The following KIAA1217 variants were observed in gnomAD, a reference collection of about 807,000 sequenced individuals.
The protein encoded by KIAA1217 is KIAA1217, also known as sickle tail protein homolog.
In KIAA1217, 88 loss-of-function variants were observed where a neutral mutation model predicts 163.9. The observed-to-expected ratio is 0.54, with a 90% CI of 0.45 to 0.64. KIAA1217 has a LOEUF of 0.64. Among genes scored for constraint, KIAA1217 ranks in the 30% least tolerant of loss-of-function variants. The probability of loss-of-function intolerance (pLI) is 0.00; values close to 1 mark genes in which losing one functional copy is unlikely to be tolerated. For synonymous variants in KIAA1217, 903 were observed against 923.1 expected, an observed-to-expected ratio of 0.98 and a Z score of 0.39; for missense variants, 2,372 against 2,475.0, an observed-to-expected ratio of 0.96 and a Z score of 0.88.
At chr10:24,480,022 G>A (rs139529599) in intron 6 of KIAA1217, among the ~76,000 whole-genome samples, 6 of 152,262 alleles carry the variant, frequency 3.9e-5, no homozygotes, top group Admixed American at 1.3e-4. Context: ...ATGAGTTTTA[G>A]TGGGGACAAA....
intron 2 of KIAA1217, among the ~76,000 whole-genome samples, chr10:24,251,748 A>C: frequency 6.6e-6 from 1 of 151,566 alleles, no homozygotes; most frequent in East Asian, 1.9e-4. Flanking sequence ...GGTGGAAGGA[A>C]TTTCACCTTT....
chr10:23,723,382 C>T (rs1372851777), intron 1 of KIAA1217, among the ~76,000 whole-genome samples: 1 of 151,722 alleles, frequency 6.6e-6, no homozygotes, highest in Admixed American at 6.6e-5. Context: ...TTGTCTGTTG[C>T]TTAGCTGCTG....
At chr10:23,742,345 G>A (rs1182622575) in intron 1 of KIAA1217, among the ~76,000 whole-genome samples, 1 of 152,140 alleles carries the variant, frequency 6.6e-6, no homozygotes, top group Non-Finnish European at 1.5e-5. Flanking sequence ...TTGTTTTCAG[G>A]AGAAGGGGGT....
At chr10:24,093,575 A>G (rs957504675) in intron 2 of KIAA1217, among the ~76,000 whole-genome samples, 2 of 151,470 alleles carry the variant, frequency 1.3e-5, no homozygotes, top group African/African-American at 2.4e-5. Context: ...AAGTGCTGGG[A>G]TTACAGGTGT....
intron 2 of KIAA1217, among the ~76,000 whole-genome samples, chr10:24,326,100 T>C (rs1298698781): frequency 6.6e-6 from 1 of 152,190 alleles, no homozygotes; most frequent in African/African-American, 2.4e-5. Context: ...TATAAAGGCC[T>C]TGCATATTTG....
At chr10:24,341,328 C>G (rs1429902697) in intron 2 of KIAA1217, among the ~76,000 whole-genome samples, 1 of 151,836 alleles carries the variant, frequency 6.6e-6, no homozygotes, top group Non-Finnish European at 1.5e-5. Context: ...GGATGGAAAT[C>G]AGTAGGTCAG....
intron 2 of KIAA1217, among the ~76,000 whole-genome samples, chr10:24,049,243 G>T (rs536585366): frequency 1.3e-5 from 2 of 152,134 alleles, no homozygotes; most frequent in African/African-American, 4.8e-5. Context: ...AGCCTGCTTA[G>T]GGTAGAGAGA....
At chr10:24,074,286 T>C (rs930958857) in intron 2 of KIAA1217, among the ~76,000 whole-genome samples, 1 of 152,100 alleles carries the variant, frequency 6.6e-6, no homozygotes, top group Non-Finnish European at 1.5e-5. Flanking sequence ...GAGGTGAATG[T>C]TGCAGTGAGC....
chr10:24,462,618 A>C (rs2132643330), intron 5 of KIAA1217, among the ~76,000 whole-genome samples: 1 of 152,310 alleles, frequency 6.6e-6, no homozygotes, highest in East Asian at 1.9e-4. Flanking sequence ...AAAAAGACAT[A>C]AGACACCTGT....
intron 2 of KIAA1217, among the ~76,000 whole-genome samples, chr10:24,312,289 G>A (rs1255332530): frequency 1.3e-5 from 2 of 150,934 alleles, no homozygotes; most frequent in Non-Finnish European, 2.9e-5. Flanking sequence ...AGGTTAAAGT[G>A]GAACTTCATG....
At chr10:23,704,824 G>A (rs1262197710) in intron 1 of KIAA1217, among the ~76,000 whole-genome samples, 1 of 152,072 alleles carries the variant, frequency 6.6e-6, no homozygotes, top group Non-Finnish European at 1.5e-5. Flanking sequence ...TAGACCCCTA[G>A]TAGTGGAGTT....
At chr10:24,220,275 C>T (rs990475015) in intron 2 of KIAA1217, among the ~76,000 whole-genome samples, 6 of 152,116 alleles carry the variant, frequency 3.9e-5, no homozygotes, top group South Asian at 2.1e-4. Flanking sequence ...CACCAACTAC[C>T]GTGTACCCTG....
In KIAA1217 at chr10:24,485,934, C is replaced by T. The variant is rs181081870; in HGVS notation, c.1680-8566C>T. Among the ~76,000 whole-genome samples the T allele has an allele frequency of 3.3e-4, 50 of 152,326 alleles. 1 individual carries two copies. The highest frequency in any genetic ancestry group is 6.8e-3 in the Middle Eastern group (2 of 294). On this transcript the variant is annotated intron_variant, in intron 6 of 20. Transcript: ENST00000376454. ...ATGCCCAAAAATAAAGTCCTATCTT[C>T]CCCACATCAGGTAACAACAGCTTCA...
intron 2 of KIAA1217, among the ~76,000 whole-genome samples, chr10:24,182,502 CTTTG>C (rs1027039277): frequency 1.5e-4 from 22 of 149,060 alleles, no homozygotes; most frequent in East Asian, 3.9e-4. Flanking sequence ...ATTATGATGG[CTTTG>C]TTTGTTTGTT....
chr10:24,387,987 A>G (rs2054258544), intron 3 of KIAA1217, among the ~76,000 whole-genome samples: 2 of 152,330 alleles, frequency 1.3e-5, no homozygotes, highest in African/African-American at 4.8e-5. Flanking sequence ...GCCCAAGGTA[A>G]TTTATAGATT....
chr10:24,504,387 A>G (rs7920450), intron 9 of KIAA1217, among the ~76,000 whole-genome samples: 45,772 of 151,948 alleles, frequency 0.3, 7,185 homozygotes, highest in Middle Eastern at 0.4. Context: ...TACTGTTTCT[A>G]CCTCTGCATT....
At chr10:24,160,550 T>G (rs1210568058) in intron 2 of KIAA1217, among the ~76,000 whole-genome samples, 1 of 152,204 alleles carries the variant, frequency 6.6e-6, no homozygotes, top group African/African-American at 2.4e-5. Context: ...CAAACTTGAA[T>G]GCTGTGTTTC....
chr10:23,800,139 A>G lies in KIAA1217; in HGVS notation c.-321+104905A>G, dbSNP rs780662053. On this transcript the variant is annotated intron_variant, in intron 1 of 18. Coordinates refer to the KIAA1217 transcript ENST00000376462. ...TCACAAAAATGGAAGATCAAAATTC[A>G]TTTAAACAGGAGTGAGAACTGCCAT... 2.5e-4 allele frequency among the ~76,000 whole-genome samples: 38 copies of G among 152,212 alleles called. 1 individual carries two copies. The highest frequency in any genetic ancestry group is 3.8e-4 in the Non-Finnish European group (26 of 68,042).
intron 2 of KIAA1217, among the ~76,000 whole-genome samples, chr10:24,104,462 G>A (rs146253844): frequency 2.1e-3 from 325 of 152,234 alleles, no homozygotes; most frequent in African/African-American, 7.2e-3. Context: ...TTCTTGAAAA[G>A]GCAACTAGGG....
Sources: gnomAD v4.1 joint callset for allele counts (sites outside exome capture counted in the v4.1 genomes callset) on GRCh38, gnomAD v4.1.1 for gene constraint, MANE v1.5 for transcripts, NCBI Gene and HGNC (gene_info 2026-07-23, HGNC 2026-07-21) for gene names.